The following SAMD5 variants were observed in gnomAD, a reference collection of about 807,000 sequenced individuals.
SAMD5 encodes sterile alpha motif domain-containing protein 5.
A neutral mutation model predicts 11.3 loss-of-function variants in SAMD5; 13 were observed. That is an observed-to-expected ratio of 1.15 (90% CI 0.75 to 1.83). The LOEUF is 1.83. Among genes scored for constraint, SAMD5 ranks in the 40% most tolerant of loss-of-function variants. The pLI, the probability that SAMD5 is intolerant of heterozygous loss-of-function variation, is 0.00. For synonymous variants in SAMD5, 129 were observed against 111.3 expected, an observed-to-expected ratio of 1.16 and a Z score of -1.00; for missense variants, 255 against 239.1, an observed-to-expected ratio of 1.07 and a Z score of -0.44.
In SAMD5 at chr6:147,620,589, T is replaced by C. The variant is rs563876490; in HGVS notation, c.162+111202T>C. ...AATGCCATAAGAGCCATAAGATATA[T>C]TACAGAGGGAGAAAACACTTCTAGA... On this transcript the variant is annotated intron_variant, in intron 1 of 1. Coordinates refer to the SAMD5 transcript ENST00000566741. Among the ~76,000 whole-genome samples the C allele has an allele frequency of 2.0e-5, 3 of 152,272 alleles. No individual in the cohort carries two copies. In the South Asian group the frequency reaches 6.2e-4, roughly 32 times the overall value.
At chr6:147,659,974 T>C (rs558863409) in intron 1 of SAMD5, among the ~76,000 whole-genome samples, 151 of 152,280 alleles carry the variant, frequency 9.9e-4, no homozygotes, top group Non-Finnish European at 1.7e-3. Flanking sequence ...CTTCTCTCCA[T>C]GATTGTTCTC....
chr6:147,598,594 T>C (rs1789570662), intron 1 of SAMD5, among the ~76,000 whole-genome samples: 1 of 152,162 alleles, frequency 6.6e-6, no homozygotes, highest in South Asian at 2.1e-4. Context: ...TGATGCTGAC[T>C]TCACAGGTAG....
the SAMD5 span, among the ~76,000 whole-genome samples, chr6:147,755,377 G>A: frequency 6.6e-6 from 1 of 151,992 alleles, no homozygotes; most frequent in African/African-American, 2.4e-5. Flanking sequence ...TAGTGTTCAA[G>A]AATATAGTTA....
intron 1 of SAMD5, among the ~76,000 whole-genome samples, chr6:147,664,882 C>T (rs1790694427): frequency 6.6e-6 from 1 of 151,992 alleles, no homozygotes; most frequent in Non-Finnish European, 1.5e-5. Flanking sequence ...TTGCTTTTTG[C>T]TGCTGCTTTG....
the SAMD5 span, among the ~76,000 whole-genome samples, chr6:147,765,134 A>G: frequency 6.6e-6 from 1 of 152,220 alleles, no homozygotes; most frequent in Non-Finnish European, 1.5e-5. Flanking sequence ...TTAAGAACAC[A>G]TTTTAAAAAA....
intron 1 of SAMD5, among the ~76,000 whole-genome samples, chr6:147,632,780 A>C (rs2064334): frequency 0.57 from 86,322 of 152,040 alleles, 25,190 homozygotes; most frequent in South Asian, 0.72. Flanking sequence ...AAATAATATT[A>C]TTTTTCCATG....
chr6:147,678,127 C>G lies in SAMD5; in HGVS notation c.163-59190C>G, dbSNP rs543721488. ...CATAAGATTGTCTTATTTTATACGC[C>G]TGACTTAAACTTCTGAAAGAAGGCA... On this transcript the variant is annotated intron_variant, in intron 1 of 1. Coordinates refer to the SAMD5 transcript ENST00000566741. Among the ~76,000 whole-genome samples, 259 of 152,214 alleles carry G rather than the reference C, an allele frequency of 1.7e-3. 2 individuals are homozygous for G. The highest frequency in any genetic ancestry group is 0.01 in the Middle Eastern group (3 of 292).
At chr6:147,697,860 A>T (rs567664576) in intron 1 of SAMD5, among the ~76,000 whole-genome samples, 2 of 152,278 alleles carry the variant, frequency 1.3e-5, no homozygotes, top group Admixed American at 1.3e-4. Context: ...ATAAGACCAG[A>T]AGGGTCAGTT....
the SAMD5 span, among the ~76,000 whole-genome samples, chr6:147,838,953 C>G: frequency 3.9e-5 from 6 of 152,320 alleles, no homozygotes; most frequent in East Asian, 7.7e-4. Flanking sequence ...GCAAGGCCAT[C>G]TGGGGCCTGG....
At chr6:147,725,030 T>A (rs908817956) in intron 1 of SAMD5, among the ~76,000 whole-genome samples, 1 of 152,236 alleles carries the variant, frequency 6.6e-6, no homozygotes, top group Non-Finnish European at 1.5e-5. Context: ...GGCATAAACT[T>A]GATCCCTATT....
chr6:147,923,398 A>G, the SAMD5 span, among the ~76,000 whole-genome samples: 4 of 152,326 alleles, frequency 2.6e-5, no homozygotes, highest in African/African-American at 9.6e-5. Context: ...TTGTCAATAA[A>G]AAGACCAATA....
Position 147,567,938 on chromosome 6 carries a change from A to C in SAMD5, c.*3482A>C. On this transcript the variant is annotated 3_prime_UTR_variant, in exon 2 of 2. Coordinates refer to ENST00000367474, the MANE Select transcript of SAMD5 (RefSeq NM_001030060.3). ...CCCGTCTCAAAACAAAACAAAACAAAACAAAACAGCAAATTCATAAAGGCC... is the reference window on the plus strand; with the variant it reads ...CCCGTCTCAAAACAAAACAAAACAACACAAAACAGCAAATTCATAAAGGCC... 1.0e-6 allele frequency: 1 copy of C among 985,864 alleles called. No individual in the cohort carries two copies. The highest frequency in any genetic ancestry group is 1.2e-6 in the Non-Finnish European group (1 of 830,254). The allele number at this position is 985,864 out of a possible 1,614,324, so 61.1% of individuals were successfully genotyped here.
At chr6:147,589,062 A>ATCC (rs1194060445) in intron 1 of SAMD5, among the ~76,000 whole-genome samples, 1 of 151,880 alleles carries the variant, frequency 6.6e-6, no homozygotes, top group Non-Finnish European at 1.5e-5. Flanking sequence ...GGCGCAAGTG[A>ATCC]TCCTCCTGCC....
chr6:147,857,440 G>A, the SAMD5 span, among the ~76,000 whole-genome samples: 4 of 151,762 alleles, frequency 2.6e-5, no homozygotes, highest in South Asian at 2.1e-4. Context: ...TCAGGATGTC[G>A]AGACTGCAGT....
At chr6:147,521,878 T>C (rs1016782384) in intron 1 of SAMD5, among the ~76,000 whole-genome samples, 4 of 151,934 alleles carry the variant, frequency 2.6e-5, no homozygotes, top group Admixed American at 6.6e-5. Flanking sequence ...CTTTTTTTAC[T>C]GTCACAACCA....
At chr6:147,942,525 C>A in the SAMD5 span, among the ~76,000 whole-genome samples, 1 of 152,202 alleles carries the variant, frequency 6.6e-6, no homozygotes, top group Non-Finnish European at 1.5e-5. Flanking sequence ...GCATTCTTCG[C>A]TGTGTGGGGA....
At chr6:147,780,648 A>G in the SAMD5 span, among the ~76,000 whole-genome samples, 1 of 152,224 alleles carries the variant, frequency 6.6e-6, no homozygotes, top group Non-Finnish European at 1.5e-5. Context: ...CTATACATGA[A>G]TGAAATGGGA....
the SAMD5 span, among the ~76,000 whole-genome samples, chr6:147,798,870 A>T: frequency 6.6e-6 from 1 of 152,030 alleles, no homozygotes; most frequent in Admixed American, 6.6e-5. Context: ...AGTCTGTTTT[A>T]TCAGAGACTA....
At chr6:147,610,848 C>T (rs972865347) in intron 1 of SAMD5, among the ~76,000 whole-genome samples, 1 of 149,384 alleles carries the variant, frequency 6.7e-6, no homozygotes, top group African/African-American at 2.5e-5. Context: ...CGGATAAAAT[C>T]AACAGGATTA....
Sources: gnomAD v4.1 joint callset for allele counts (sites outside exome capture counted in the v4.1 genomes callset) on GRCh38, gnomAD v4.1.1 for gene constraint, MANE v1.5 for transcripts, NCBI Gene and HGNC (gene_info 2026-07-23, HGNC 2026-07-21) for gene names.